The following P2RY12 variants were observed in gnomAD, a reference collection of about 807,000 sequenced individuals.
P2RY12 encodes the protein P2Y purinoceptor 12.
P2RY12 carries 3 observed loss-of-function variants against 4.5 expected under a neutral mutation model. The observed-to-expected ratio is 0.67, with a 90% CI of 0.31 to 1.74. The LOEUF (loss-of-function observed/expected upper bound fraction) is 1.74, where lower values mean the gene tolerates loss of function less well. Among genes scored for constraint, P2RY12 ranks in the 40% most tolerant of loss-of-function variants. P2RY12 has a pLI of 0.09. For synonymous variants in P2RY12, 148 were observed against 154.1 expected (o/e 0.96, Z 0.29); for missense variants, 356 against 407.8 (o/e 0.87, Z 1.09).
At position 151,340,581 on chromosome 3, in the gene P2RY12, T is replaced by C. The variant is rs1021200937; in HGVS notation, c.-15+15A>G. 6.6e-6 allele frequency: 1 copy of C among 152,632 alleles called. No individual in the cohort carries two copies. Among genetic ancestry groups the C allele is most frequent in the Non-Finnish European group, 1.5e-5 (1 of 68,020 alleles). The allele number at this position is 152,632 out of a possible 1,614,324, so 9.5% of individuals were successfully genotyped here. On this transcript the variant is annotated intron_variant, in intron 2 of 2. Transcript: ENST00000302632. ...AATACATATATTTGTCAAGTACTTG[T>C]AGAAATAACATTACCTGATAACTGT...
At chr3:151,376,890 A>C in intron 1 of P2RY12, 1 of 1,613,584 alleles carries the variant, frequency 6.2e-7, no homozygotes, top group Non-Finnish European at 8.5e-7. Context: ...TTTATATTGA[A>C]AGCTTATCTC....
At chr3:151,371,811 A>G (rs1004785021) in intron 1 of P2RY12, among the ~76,000 whole-genome samples, 1 of 152,148 alleles carries the variant, frequency 6.6e-6, no homozygotes, top group African/African-American at 2.4e-5. Flanking sequence ...TTAAAATATG[A>G]TAGTTATTTG....
Position 151,338,759 on chromosome 3 carries a change from T to C in P2RY12, c.87A>G (p.Pro29=), listed in dbSNP as rs1287204038. ...CAAAAAACAGGACAGTGTAGAGCAG[T>C]GGGAAGAGGACCTGGGTGATTTTGT... is the stretch of plus-strand genomic sequence containing the variant. ...RDYKITQVLF[P]LLYTVLFFVG... is the part of the protein sequence containing the mutation. Residue 29 remains proline (P), a synonymous_variant, in exon 3 of 3, where the codon CCA becomes CCG. Transcript: ENST00000302632. 6.2e-7 allele frequency: 1 copy of C among 1,613,518 alleles called. No homozygotes were observed. Among genetic ancestry groups the C allele is most frequent in the South Asian group, 1.1e-5 (1 of 91,066 alleles).
chr3:151,383,632 G>T (rs538270629), intron 1 of P2RY12: 73 of 575,540 alleles, frequency 1.3e-4, no homozygotes, highest in Non-Finnish European at 2.2e-4. Flanking sequence ...AAACATGTAG[G>T]TAAAAGAGAA....
At chr3:151,366,106 T>G in intron 1 of P2RY12, 1 of 943,812 alleles carries the variant, frequency 1.1e-6, no homozygotes, top group South Asian at 3.2e-5. Context: ...TTATAAAATA[T>G]TTTTTCTTTC....
chr3:151,351,910 A>G (rs747919961), intron 1 of P2RY12, among the ~76,000 whole-genome samples: 80 of 152,156 alleles, frequency 5.3e-4, no homozygotes, highest in Non-Finnish European at 2.2e-4. Context: ...CAAATAGGCA[A>G]TTCTAGCATA....
chr3:151,382,181 C>T (rs183220478), intron 1 of P2RY12, among the ~76,000 whole-genome samples: 2 of 152,108 alleles, frequency 1.3e-5, no homozygotes. Context: ...AAGTACCGTG[C>T]GTTCTCTTTA....
chr3:151,378,538 A>G (rs1366644510), intron 1 of P2RY12, among the ~76,000 whole-genome samples: 1 of 151,926 alleles, frequency 6.6e-6, no homozygotes, highest in Non-Finnish European at 1.5e-5. Context: ...AAATAAATAT[A>G]ATGTATAATT....
Position 151,353,265 on chromosome 3 carries a change from T to C in P2RY12, c.-179-12505A>G, listed in dbSNP as rs143629869. On this transcript the variant is annotated intron_variant, in intron 1 of 2. Transcript: ENST00000302632. ...GGCATTTTGTGCACAAGACTATTGATGTTAGCTCTTCAGCCTTGGATCAAA... is the reference window on the plus strand; with the variant it reads ...GGCATTTTGTGCACAAGACTATTGACGTTAGCTCTTCAGCCTTGGATCAAA... Among the ~76,000 whole-genome samples the C allele has an allele frequency of 4.0e-3, 616 of 152,344 alleles. 6 individuals are homozygous for C. The highest frequency in any genetic ancestry group is 0.014 in the African/African-American group (591 of 41,576).
chr3:151,355,168 C>T (rs1272476540), intron 1 of P2RY12: 6 of 1,613,886 alleles, frequency 3.7e-6, no homozygotes, highest in Non-Finnish European at 5.1e-6. Context: ...GGAGACATTT[C>T]CAACACTGGA....
At chr3:151,367,382 TTGTTG>T (rs1238516301) in intron 1 of P2RY12, among the ~76,000 whole-genome samples, 6 of 152,218 alleles carry the variant, frequency 3.9e-5, no homozygotes, top group African/African-American at 1.2e-4. Flanking sequence ...TCCATTTTTG[TTGTTG>T]TGTTTTTCAT....
In P2RY12 at chr3:151,341,050, G is replaced by A. The variant is rs111837290; in HGVS notation, c.-179-290C>T. On this transcript the variant is annotated intron_variant, in intron 1 of 2. Coordinates refer to ENST00000302632, the MANE Select transcript of P2RY12 (RefSeq NM_022788.5). ...AAATCCAAGTTGAGATCAAGCCTTC[G>A]AAGTCTGCTTCCTGGAGAAGATTTT... is the stretch of plus-strand genomic sequence containing the variant. 6.9e-3 allele frequency among the ~76,000 whole-genome samples: 1,052 copies of A among 152,192 alleles called. 10 individuals are homozygous for A. The highest frequency in any genetic ancestry group is 0.024 in the South Asian group (115 of 4,818).
chr3:151,350,321 G>T, intron 1 of P2RY12: 1 of 923,720 alleles, frequency 1.1e-6, no homozygotes, highest in Non-Finnish European at 1.6e-6. Flanking sequence ...CCTCCTGAAT[G>T]ACTCTCACAT....
intron 1 of P2RY12, chr3:151,376,772 A>G (rs949921413): frequency 6.3e-7 from 1 of 1,583,888 alleles, no homozygotes; most frequent in Non-Finnish European, 8.7e-7. Flanking sequence ...GATACCCATA[A>G]TGTTTTAATT....
At chr3:151,357,299 C>T in intron 1 of P2RY12, 1 of 1,613,924 alleles carries the variant, frequency 6.2e-7, no homozygotes, top group Non-Finnish European at 8.5e-7. Flanking sequence ...GACTGTGTGT[C>T]TGCATCGTGG....
At chr3:151,345,042 T>C (rs6801273) in intron 1 of P2RY12, among the ~76,000 whole-genome samples, 63,859 of 152,102 alleles carry the variant, frequency 0.42, 14,059 homozygotes, top group African/African-American at 0.56. Flanking sequence ...TTTTAATTCG[T>C]GTAGTACAAC....
At chr3:151,372,222 C>T (rs760765673) in intron 1 of P2RY12, among the ~76,000 whole-genome samples, 2 of 152,128 alleles carry the variant, frequency 1.3e-5, no homozygotes, top group Non-Finnish European at 2.9e-5. Flanking sequence ...GTCTATAAGT[C>T]AAATGAATTT....
At chr3:151,382,816 T>C (rs1295451022) in intron 1 of P2RY12, 1 of 1,230,836 alleles carries the variant, frequency 8.1e-7, no homozygotes, top group Non-Finnish European at 1.2e-6. Flanking sequence ...AGCTTTCCAC[T>C]TCTCCTAAGT....
intron 1 of P2RY12, among the ~76,000 whole-genome samples, chr3:151,377,383 T>TGAGTAGGC: frequency 6.6e-6 from 1 of 152,216 alleles, no homozygotes; most frequent in South Asian, 2.1e-4. Context: ...CTTAAACACC[T>TGAGTAGGC]TGAAACTGCA....
Sources: gnomAD v4.1 joint callset for allele counts (sites outside exome capture counted in the v4.1 genomes callset) on GRCh38, gnomAD v4.1.1 for gene constraint, MANE v1.5 for transcripts, NCBI Gene and HGNC (gene_info 2026-07-23, HGNC 2026-07-21) for gene names.